The following PACRG variants were observed in gnomAD, a reference collection of about 807,000 sequenced individuals.
PACRG encodes the protein parkin coregulated gene protein.
In PACRG, 29 loss-of-function variants were observed where a neutral mutation model predicts 29.7. The ratio of observed to expected loss-of-function variants is 0.98; its 90% CI spans 0.73 to 1.33. PACRG has a LOEUF of 1.33. Ranked by LOEUF, PACRG falls within the 40% of genes most tolerant of loss-of-function variation. PACRG has a pLI of 0.00. For missense variants in PACRG, 279 were observed against 316.2 expected (o/e 0.88, Z 0.89); for synonymous variants, 116 against 118.7 (o/e 0.98, Z 0.15).
In PACRG at chr6:163,097,882, C is replaced by A; in HGVS notation, c.613+8474C>A. ...GATGTAGACTCTCCGTAAATCTCTTCAGGACTGGGAGGGTATGGAATGGGG... is the reference window on the plus strand; with the variant it reads ...GATGTAGACTCTCCGTAAATCTCTTAAGGACTGGGAGGGTATGGAATGGGG... On this transcript the variant is annotated intron_variant, in intron 4 of 4. Coordinates refer to ENST00000366888, the MANE Select transcript of PACRG (RefSeq NM_001080379.2). Among the ~76,000 whole-genome samples the A allele has an allele frequency of 1.3e-5, 2 of 152,108 alleles. 1 individual carries two copies. Among genetic ancestry groups the A allele is most frequent in the Non-Finnish European group, 2.9e-5 (2 of 68,020 alleles).
chr6:163,286,437 G>A (rs1224824383), intron 4 of PACRG, among the ~76,000 whole-genome samples: 1 of 152,104 alleles, frequency 6.6e-6, no homozygotes, highest in Non-Finnish European at 1.5e-5. Context: ...TGAAATTTTG[G>A]TTTCTAAAGC....
At chr6:163,050,778 A>G (rs1180242532) in intron 2 of PACRG, among the ~76,000 whole-genome samples, 2 of 152,110 alleles carry the variant, frequency 1.3e-5, no homozygotes, top group African/African-American at 4.8e-5. Context: ...TGGATCTTTT[A>G]TTGTAAACTG....
chr6:163,194,878 A>C (rs1187870001), intron 4 of PACRG, among the ~76,000 whole-genome samples: 4 of 142,158 alleles, frequency 2.8e-5, no homozygotes, highest in Admixed American at 7.0e-5. Flanking sequence ...CACCTCCTTC[A>C]CTCTCCCCTC....
intron 4 of PACRG, among the ~76,000 whole-genome samples, chr6:163,193,831 CAT>C: frequency 6.6e-6 from 1 of 151,190 alleles, no homozygotes; most frequent in South Asian, 2.1e-4. Context: ...TTGGAGAAAA[CAT>C]AGAATCAGAG....
chr6:163,143,494 T>C (rs1458154980), intron 4 of PACRG, among the ~76,000 whole-genome samples: 3 of 152,220 alleles, frequency 2.0e-5, no homozygotes, highest in Non-Finnish European at 4.4e-5. Context: ...GGCTTGTTGC[T>C]TTAGCGCAGA....
intron 4 of PACRG, among the ~76,000 whole-genome samples, chr6:163,158,854 CT>C (rs1349807233): frequency 2.0e-5 from 3 of 151,062 alleles, no homozygotes; most frequent in East Asian, 3.9e-4. Flanking sequence ...GCTTCTTTAG[CT>C]TTTTTTTTGC....
At chr6:162,964,806 A>G (rs920908140) in intron 2 of PACRG, among the ~76,000 whole-genome samples, 6 of 152,232 alleles carry the variant, frequency 3.9e-5, no homozygotes, top group Non-Finnish European at 8.8e-5. Context: ...ACTGACCCCC[A>G]GGATCAGAAT....
At chr6:162,733,071 G>A (rs180699172) in intron 1 of PACRG, among the ~76,000 whole-genome samples, 50 of 152,234 alleles carry the variant, frequency 3.3e-4, no homozygotes, top group African/African-American at 1.0e-3. Flanking sequence ...CTATCATCAG[G>A]TAACACATAT....
chr6:163,172,870 A>G (rs1779153633), intron 4 of PACRG, among the ~76,000 whole-genome samples: 1 of 152,280 alleles, frequency 6.6e-6, no homozygotes, highest in Non-Finnish European at 1.5e-5. Context: ...TTGAATGCCT[A>G]GATATTTTCA....
intron 1 of PACRG, among the ~76,000 whole-genome samples, chr6:162,749,177 CT>C (rs2128277349): frequency 6.6e-6 from 1 of 152,244 alleles, no homozygotes; most frequent in East Asian, 1.9e-4. Context: ...CTGCTGTTGA[CT>C]TGGGTGGTGT....
intron 2 of PACRG, among the ~76,000 whole-genome samples, chr6:162,974,696 TATC>T (rs1276968975): frequency 2.0e-5 from 3 of 152,248 alleles, no homozygotes. Flanking sequence ...TGCTAACACA[TATC>T]ATGCTTAGTG....
At chr6:163,242,848 G>T (rs79493019) in intron 4 of PACRG, among the ~76,000 whole-genome samples, 10,152 of 152,206 alleles carry the variant, frequency 0.067, 661 homozygotes, top group East Asian at 0.2. Flanking sequence ...ATATCACAGG[G>T]AATTGTTTCT....
chr6:163,314,956 T>C lies in PACRG; in HGVS notation c.743T>C (p.Val248Ala). The C allele has an allele frequency of 1.9e-6, 3 of 1,614,108 alleles. No individual in the cohort carries two copies. Among genetic ancestry groups the C allele is most frequent in the Non-Finnish European group, 1.7e-6 (2 of 1,179,994 alleles). The change falls in exon 5 of 5, where the codon GTC becomes GCC. Residue 248 changes from valine (V) to alanine (A), a missense_variant. Physicochemically the swap from Val to Ala is moderately conservative, Grantham distance 64. Coordinates refer to ENST00000366888, the MANE Select transcript of PACRG (RefSeq NM_001080379.2). ...ENAFINIKYV[V>A]PTYESCLLN is the part of the protein sequence containing the mutation. ...GCCTTTATCAACATTAAGTACGTGG[T>C]CCCAACCTACGAGTCTTGCTTGCTA...
At chr6:162,847,281 C>G (rs1790487687) in intron 2 of PACRG, among the ~76,000 whole-genome samples, 1 of 152,212 alleles carries the variant, frequency 6.6e-6, no homozygotes, top group Non-Finnish European at 1.5e-5. Context: ...GTCATTTACA[C>G]ACAGCTTTAA....
intron 4 of PACRG, chr6:163,095,286 G>A (rs1814469401): frequency 2.0e-6 from 2 of 985,276 alleles, no homozygotes; most frequent in Non-Finnish European, 2.4e-6. Context: ...AGGGGAGTGG[G>A]GTCAGTCACA....
intron 2 of PACRG, among the ~76,000 whole-genome samples, chr6:162,846,292 T>C (rs780501188): frequency 1.3e-5 from 2 of 152,162 alleles, no homozygotes; most frequent in Non-Finnish European, 2.9e-5. Context: ...GATTTTACAG[T>C]GCAGAGCTTG....
At chr6:163,291,570 A>G (rs1286859213) in intron 4 of PACRG, among the ~76,000 whole-genome samples, 2 of 152,258 alleles carry the variant, frequency 1.3e-5, no homozygotes, top group African/African-American at 4.8e-5. Flanking sequence ...TCCTTTTCCA[A>G]CAAACGTCTC....
At chr6:163,008,772 G>A (rs1186151900) in intron 2 of PACRG, among the ~76,000 whole-genome samples, 1 of 151,432 alleles carries the variant, frequency 6.6e-6, no homozygotes, top group East Asian at 1.9e-4. Flanking sequence ...ATTGGGTAAC[G>A]TGAAAGGAGC....
intron 1 of PACRG, among the ~76,000 whole-genome samples, chr6:162,758,602 C>A (rs1046045008): frequency 2.6e-5 from 4 of 152,124 alleles, no homozygotes; most frequent in Non-Finnish European, 5.9e-5. Context: ...TCATTAAGAA[C>A]ATGGACAAGA....
Sources: allele counts gnomAD v4.1 joint callset (sites outside exome capture counted in the v4.1 genomes callset), GRCh38; gene constraint gnomAD v4.1.1; transcripts MANE v1.5; gene names NCBI Gene and HGNC (gene_info 2026-07-23, HGNC 2026-07-21).